BICDL1: variants seen among roughly 807,000 people sequenced by gnomAD.
BICDL1 encodes the protein BICD family like cargo adaptor 1.
A neutral mutation model predicts 76.8 loss-of-function variants in BICDL1; 20 were observed. The ratio of observed to expected loss-of-function variants is 0.26; its 90% CI spans 0.18 to 0.38. The LOEUF (loss-of-function observed/expected upper bound fraction) is 0.38, where lower values mean the gene tolerates loss of function less well. BICDL1 is among the 10% of genes least tolerant of loss of function. The probability of loss-of-function intolerance (pLI) is 1.00; values close to 1 mark genes in which losing one functional copy is unlikely to be tolerated. For missense variants in BICDL1, 700 were observed against 798.6 expected, an observed-to-expected ratio of 0.88 and a Z score of 1.49; for synonymous variants, 383 against 337.1, an observed-to-expected ratio of 1.14 and a Z score of -1.49.
chr12:120,086,252 G>C (rs1874404763), intron 8 of BICDL1, among the ~76,000 whole-genome samples: 1 of 152,174 alleles, frequency 6.6e-6, no homozygotes, highest in African/African-American at 2.4e-5. Context: ...TGGGAGGATA[G>C]TTCTTTTCCC....
chr12:119,990,149 C>G lies in BICDL1; in HGVS notation c.281C>G (p.Ser94Cys). 1 of 1,551,202 alleles carries G rather than the reference C, an allele frequency of 6.4e-7. No individual in the cohort carries two copies. Among genetic ancestry groups the G allele is most frequent in the Non-Finnish European group, 8.7e-7 (1 of 1,147,468 alleles). The change falls in exon 1 of 10, where the codon TCC becomes TGC. Residue 94 changes from serine to cysteine, a missense_variant. By Grantham distance (112) the Ser-to-Cys change is moderately radical. Transcript: ENST00000548673. ...GGGGCCGGACCGCAGCCGCCGCCCT[C>G]CCAGGACCCCGAGCTGCTGTCGGTG... ...AEGAGPQPPP[S>C]QDPELLSVIR...
intron 8 of BICDL1, among the ~76,000 whole-genome samples, chr12:120,085,294 A>G (rs906682147): frequency 6.6e-5 from 10 of 152,100 alleles, no homozygotes; most frequent in South Asian, 2.1e-4. Context: ...CAAACAAAAA[A>G]AAAAGAAGTA....
intron 2 of BICDL1, among the ~76,000 whole-genome samples, chr12:120,035,285 G>A (rs1294789886): frequency 1.3e-5 from 2 of 152,094 alleles, no homozygotes; most frequent in African/African-American, 4.8e-5. Flanking sequence ...GCAGTGAGCC[G>A]AGATCATGCC....
chr12:120,091,323 A>T, intron 9 of BICDL1: 1 of 1,015,590 alleles, frequency 9.8e-7, no homozygotes, highest in Non-Finnish European at 1.2e-6. Context: ...CTAAAGGGCG[A>T]CCTGGACAGA....
rs139882916 is a variant in BICDL1 at position 120,084,298 on chromosome 12, G to A, written c.1583+3281G>A. Among the ~76,000 whole-genome samples the A allele has an allele frequency of 8.8e-3, 1,341 of 151,700 alleles. 13 individuals carry two copies. The highest frequency in any genetic ancestry group is 0.011 in the Non-Finnish European group (770 of 67,898). ...ATTACAGGCATGAGCCACCACACCC[G>A]GCCAACACTTTTATTCTTTAATCCT... On this transcript the variant is annotated intron_variant, in intron 8 of 9. Coordinates refer to ENST00000548673, the MANE Select transcript of BICDL1 (RefSeq NM_001367886.1).
At position 120,003,072 on chromosome 12, in the gene BICDL1, C is replaced by T. The variant is rs551527491; in HGVS notation, c.645+4336C>T. ...ACCGGGGAGTCTGATGCAGGAGAAT[C>T]GCTGGAACCTGGGAGGCAAAGGCTG... is the stretch of plus-strand genomic sequence containing the variant. On this transcript the variant is annotated intron_variant, in intron 2 of 9. Coordinates refer to ENST00000548673, the MANE Select transcript of BICDL1 (RefSeq NM_001367886.1). Among the ~76,000 whole-genome samples, 5 of 151,364 alleles carry T rather than the reference C, an allele frequency of 3.3e-5. No homozygotes were observed. The South Asian group carries it at 1.1e-3, about 32-fold the overall frequency.
At chr12:119,994,969 A>C (rs985469987) in intron 1 of BICDL1, among the ~76,000 whole-genome samples, 5 of 152,212 alleles carry the variant, frequency 3.3e-5, no homozygotes, top group Non-Finnish European at 7.3e-5. Flanking sequence ...CAGTTTATTC[A>C]GATTATCTAA....
intron 8 of BICDL1, among the ~76,000 whole-genome samples, chr12:120,086,302 C>G (rs1874408218): frequency 1.3e-5 from 2 of 152,186 alleles, no homozygotes; most frequent in African/African-American, 4.8e-5. Flanking sequence ...AGAATTGAGA[C>G]GACAAGCCTA....
At chr12:120,042,049 A>C (rs1437625484) in intron 2 of BICDL1, among the ~76,000 whole-genome samples, 1 of 151,820 alleles carries the variant, frequency 6.6e-6, no homozygotes, top group Non-Finnish European at 1.5e-5. Flanking sequence ...AGGAGCAGGG[A>C]GACCAAGTAG....
chr12:119,992,489 C>T (rs1951545141), intron 1 of BICDL1: 1 of 152,200 alleles, frequency 6.6e-6, no homozygotes, highest in Admixed American at 6.5e-5. Flanking sequence ...CCTCAAGTGA[C>T]CCTCCCACTC....
intron 2 of BICDL1, among the ~76,000 whole-genome samples, chr12:120,060,845 C>T (rs921781570): frequency 2.0e-5 from 3 of 152,198 alleles, no homozygotes; most frequent in African/African-American, 7.2e-5. Context: ...ACCATCCCAC[C>T]TCCTCGGAAA....
chr12:120,081,349 CTTTTTTTTTTT>C (rs1184204926), intron 8 of BICDL1, among the ~76,000 whole-genome samples: 1 of 116,976 alleles, frequency 8.5e-6, no homozygotes, highest in East Asian at 2.6e-4. Flanking sequence ...AAGAGCTTTC[CTTTTTTTTTTT>C]TTTTTTTTGA....
chr12:119,999,757 T>G, intron 2 of BICDL1: 1 of 444,228 alleles, frequency 2.3e-6, no homozygotes, highest in Non-Finnish European at 4.5e-6. Flanking sequence ...TCCATCTATT[T>G]TAGAAAATTA....
chr12:120,054,070 G>A (rs1218361547), intron 2 of BICDL1, among the ~76,000 whole-genome samples: 1 of 138,216 alleles, frequency 7.2e-6, no homozygotes, highest in African/African-American at 3.0e-5. Flanking sequence ...CAAAAAAATT[G>A]TAACTTTTTT....
chr12:120,022,093 C>T (rs2138716914), intron 2 of BICDL1, among the ~76,000 whole-genome samples: 1 of 151,506 alleles, frequency 6.6e-6, no homozygotes, highest in African/African-American at 2.4e-5. Context: ...ACAAGAACCA[C>T]AGTTTTGCTT....
chr12:119,989,949 C>T lies in BICDL1; in HGVS notation c.81C>T (p.Pro27=), dbSNP rs1382907227. ...ACAGCGCCTGCTGCATGGAGCTGCC[C>T]GCCGCGGCCGGGGACGCAGTCCGGA... ...EPDSACCMEL[P]AAAGDAVRSP... Residue 27 remains proline (P), a synonymous_variant, in exon 1 of 10, where the codon CCC becomes CCT. Coordinates refer to ENST00000548673, the MANE Select transcript of BICDL1 (RefSeq NM_001367886.1). 6.8e-7 allele frequency: 1 copy of T among 1,465,582 alleles called. No individual in the cohort carries two copies. 90.8% of individuals were successfully genotyped at this position (1,465,582 alleles called of 1,614,324 possible). A position where few individuals can be genotyped will look rare whatever the true frequency, so the allele number is the denominator to read the frequency against.
At chr12:120,001,340 G>T (rs1188246570) in intron 2 of BICDL1, among the ~76,000 whole-genome samples, 1 of 151,952 alleles carries the variant, frequency 6.6e-6, no homozygotes, top group Admixed American at 6.6e-5. Context: ...TCCGCCTCCC[G>T]GGTTCATGAC....
chr12:119,995,967 C>T lies in BICDL1; in HGVS notation c.430-2554C>T, dbSNP rs141476552. 8.7e-3 allele frequency among the ~76,000 whole-genome samples: 1,253 copies of T among 144,094 alleles called. 18 individuals carry two copies. The highest frequency in any genetic ancestry group is 0.03 in the African/African-American group (1,168 of 38,638). The allele number at this position is 144,094 out of a possible 152,430, so 94.5% of individuals were successfully genotyped here. ...TGCCACTGCACTCCAGCCTGGGAGA[C>T]AGAGCAAGACTCCGTCTCAAAAAAA... On this transcript the variant is annotated intron_variant, in intron 1 of 9. Coordinates refer to ENST00000548673, the MANE Select transcript of BICDL1 (RefSeq NM_001367886.1).
At chr12:120,091,970 CAG>C (rs901034218) in intron 9 of BICDL1, 42 of 985,268 alleles carry the variant, frequency 4.3e-5, no homozygotes, top group Non-Finnish European at 4.9e-5. Context: ...CTGACTCACT[CAG>C]GGGTTTAGCC....
Sources: gnomAD v4.1 joint callset for allele counts (sites outside exome capture counted in the v4.1 genomes callset) on GRCh38, gnomAD v4.1.1 for gene constraint, MANE v1.5 for transcripts, NCBI Gene and HGNC (gene_info 2026-07-23, HGNC 2026-07-21) for gene names.